NBAS: variants seen among roughly 807,000 people sequenced by gnomAD.
The protein encoded by NBAS is NBAS subunit of NRZ tethering complex.
In NBAS, 219 loss-of-function variants were observed where a neutral mutation model predicts 302.5. The ratio of observed to expected loss-of-function variants is 0.72; its 90% CI spans 0.65 to 0.81. The LOEUF (loss-of-function observed/expected upper bound fraction) is 0.81, where lower values mean the gene tolerates loss of function less well. NBAS is among the 30% of genes least tolerant of loss of function. NBAS has a pLI of 0.00. For synonymous variants in NBAS, 1,118 were observed against 1,021.6 expected (o/e 1.09, Z -1.80); for missense variants, 2,932 against 2,841.6 (o/e 1.03, Z -0.72).
chr2:14,929,196 G>C, the NBAS span, among the ~76,000 whole-genome samples: 5 of 151,862 alleles, frequency 3.3e-5, no homozygotes, highest in African/African-American at 1.2e-4. Flanking sequence ...TTCTGAAGAG[G>C]GTCCACTTTC....
intron 44 of NBAS, among the ~76,000 whole-genome samples, chr2:15,268,436 A>G (rs1355118735): frequency 6.6e-6 from 1 of 152,290 alleles, no homozygotes; most frequent in Non-Finnish European, 1.5e-5. Context: ...TTAAAAAGGC[A>G]AAAGATCTCA....
At chr2:15,155,017 C>T in the NBAS span, among the ~76,000 whole-genome samples, 1 of 152,196 alleles carries the variant, frequency 6.6e-6, no homozygotes, top group Non-Finnish European at 1.5e-5. Context: ...TAGAGCACTA[C>T]CTAGCCAAAA....
chr2:15,065,813 C>A, the NBAS span, among the ~76,000 whole-genome samples: 1 of 152,060 alleles, frequency 6.6e-6, no homozygotes, highest in Non-Finnish European at 1.5e-5. Context: ...ATTGCCCCTA[C>A]TAAATAAAGC....
chr2:14,887,395 T>A, the NBAS span, among the ~76,000 whole-genome samples: 1 of 88,858 alleles, frequency 1.1e-5, no homozygotes, highest in Non-Finnish European at 2.1e-5. Context: ...AAAGTGAGAC[T>A]CCTCAAAAAA....
chr2:15,553,299 A>G, intron 5 of NBAS, 127 bp downstream of exon 5: 1 of 891,930 alleles, frequency 1.1e-6, no homozygotes, highest in Non-Finnish European at 1.8e-6. Context: ...TTTGACACTC[A>G]CAAAATTAAG....
chr2:15,066,545 G>C, the NBAS span, among the ~76,000 whole-genome samples: 1 of 152,060 alleles, frequency 6.6e-6, no homozygotes, highest in Non-Finnish European at 1.5e-5. Flanking sequence ...ATAAGTAAAG[G>C]ATTGAACAGA....
At chr2:15,474,592 CCT>C (rs1680108874) in intron 14 of NBAS, among the ~76,000 whole-genome samples, 1 of 151,058 alleles carries the variant, frequency 6.6e-6, no homozygotes, top group Non-Finnish European at 1.5e-5. Flanking sequence ...GATGGAGCCT[CCT>C]CTGTCACCCA....
the NBAS span, among the ~76,000 whole-genome samples, chr2:14,931,129 A>C: frequency 6.6e-6 from 1 of 152,254 alleles, no homozygotes; most frequent in Non-Finnish European, 1.5e-5. Context: ...ATTTCCCAAC[A>C]CCAGATTTTG....
chr2:15,025,686 AT>A, the NBAS span, among the ~76,000 whole-genome samples: 4 of 151,674 alleles, frequency 2.6e-5, no homozygotes, highest in African/African-American at 9.7e-5. Context: ...CACCTCCCTG[AT>A]TATCTGTATT....
the NBAS span, among the ~76,000 whole-genome samples, chr2:15,124,253 G>T: frequency 6.6e-6 from 1 of 152,178 alleles, no homozygotes; most frequent in African/African-American, 2.4e-5. Flanking sequence ...TGCCCCTACA[G>T]GCTTACCACC....
Position 15,275,635 on chromosome 2 carries a change from C to A in NBAS, c.5573G>T (p.Gly1858Val), listed in dbSNP as rs1669540247. ...TIWLQKLFWTGDPHLIKQVPG... is the reference protein window; with the variant it reads ...TIWLQKLFWTVDPHLIKQVPG... Reference sequence around the variant, plus strand: ...GACTTGTTTAATGAGATGAGGGTCTCCAGTCCAGAACAACTTCTGTAACCA... The same window carrying A: ...GACTTGTTTAATGAGATGAGGGTCTACAGTCCAGAACAACTTCTGTAACCA... Residue 1858 changes from glycine to valine, a missense_variant, in exon 44 of 52, where the codon GGA becomes GTA. Transcript: ENST00000281513. 1.9e-6 allele frequency: 3 copies of A among 1,614,126 alleles called. No homozygotes were observed. Among genetic ancestry groups the A allele is most frequent in the Non-Finnish European group, 2.5e-6 (3 of 1,180,022 alleles).
Position 15,488,306 on chromosome 2 carries a change from C to T in NBAS, c.1083+588G>A, listed in dbSNP as rs564370395. On this transcript the variant is annotated intron_variant, in intron 12 of 51. Coordinates refer to ENST00000281513, the MANE Select transcript of NBAS (RefSeq NM_015909.4). ...ATCACAATACATGGCTTTATATGAG[C>T]AGACCTTTCCTTCCCCTTGTGAATT... 5.4e-4 allele frequency among the ~76,000 whole-genome samples: 83 copies of T among 152,302 alleles called. 1 individual carries two copies. Among genetic ancestry groups the T allele is most frequent in the African/African-American group, 1.9e-3 (78 of 41,572 alleles).
chr2:15,033,802 G>T, the NBAS span, among the ~76,000 whole-genome samples: 1 of 151,832 alleles, frequency 6.6e-6, no homozygotes, highest in Non-Finnish European at 1.5e-5. Context: ...ACAAAAATTA[G>T]CCAGGCATGG....
the NBAS span, among the ~76,000 whole-genome samples, chr2:15,093,155 T>G: frequency 5.3e-5 from 8 of 152,196 alleles, no homozygotes; most frequent in South Asian, 4.2e-4. Context: ...GTGGCTCACA[T>G]CTGTAATTCC....
At chr2:15,327,029 G>C (rs963773659) in intron 38 of NBAS, among the ~76,000 whole-genome samples, 1 of 152,164 alleles carries the variant, frequency 6.6e-6, no homozygotes, top group Non-Finnish European at 1.5e-5. Context: ...CTTATTGGCA[G>C]TTAGAGGTGG....
intron 23 of NBAS, among the ~76,000 whole-genome samples, chr2:15,421,150 C>CA (rs1191931566): frequency 2.0e-5 from 3 of 151,740 alleles, no homozygotes; most frequent in Non-Finnish European, 1.5e-5. Flanking sequence ...AAAACAAAAA[C>CA]AAAAAAACCT....
the NBAS span, among the ~76,000 whole-genome samples, chr2:15,027,097 A>G: frequency 6.6e-6 from 1 of 152,112 alleles, no homozygotes; most frequent in Non-Finnish European, 1.5e-5. Context: ...TCTTTCATAT[A>G]AACTTTAGGA....
intron 21 of NBAS, among the ~76,000 whole-genome samples, chr2:15,436,597 G>C (rs781584780): frequency 6.6e-5 from 10 of 152,134 alleles, no homozygotes; most frequent in Non-Finnish European, 1.3e-4. Context: ...TGGATAGAAA[G>C]GTAGCACGAT....
intron 26 of NBAS, among the ~76,000 whole-genome samples, chr2:15,396,940 C>G (rs1471375602): frequency 1.3e-5 from 2 of 152,178 alleles, no homozygotes; most frequent in Admixed American, 6.5e-5. Context: ...AAAGTTCTTC[C>G]ACATAATCAT....
Sources: gnomAD v4.1 joint callset for allele counts (sites outside exome capture counted in the v4.1 genomes callset) on GRCh38, gnomAD v4.1.1 for gene constraint, MANE v1.5 for transcripts, NCBI Gene and HGNC (gene_info 2026-07-23, HGNC 2026-07-21) for gene names.